The following CAPNS1 variants were observed in gnomAD, a reference collection of about 807,000 sequenced individuals.
The protein encoded by CAPNS1 is CANP small subunit.
In CAPNS1, 32 loss-of-function variants were observed where a neutral mutation model predicts 39.2. The ratio of observed to expected loss-of-function variants is 0.82; its 90% CI spans 0.62 to 1.10. The LOEUF (loss-of-function observed/expected upper bound fraction) is 1.10. CAPNS1 is among the 50% of genes least tolerant of loss of function. CAPNS1 has a pLI of 0.00. For missense variants in CAPNS1, 353 were observed against 373.1 expected, an observed-to-expected ratio of 0.95 and a Z score of 0.44; for synonymous variants, 153 against 136.2, an observed-to-expected ratio of 1.12 and a Z score of -0.86.
chr19:36,143,149 G>A lies in CAPNS1; in HGVS notation c.456+21G>A, dbSNP rs1284149872. On this transcript the variant is annotated intron_variant, in intron 6 of 10. Coordinates refer to ENST00000246533, the MANE Select transcript of CAPNS1 (RefSeq NM_001749.4). ...TGGATGTATCCTTGGGGGCAGTGTG[G>A]GAGAGGCCCTGGGTGGACAGAGAGT... 5 of 1,611,256 alleles carry A rather than the reference G, an allele frequency of 3.1e-6. No individual in the cohort carries two copies. In the South Asian group the frequency reaches 4.4e-5, roughly 14 times the overall value.
rs752226310 is a variant in CAPNS1 at position 36,149,646 on chromosome 19, C to G, written c.780+10C>G. On this transcript the variant is annotated intron_variant, in intron 10 of 10. Transcript: ENST00000246533. Reference sequence around the variant, plus strand: ...GGTGAACATCCAGGAGGTAAGGACCCCCATATTGGGGTATGGGTGCCTGGG... The same window carrying G: ...GGTGAACATCCAGGAGGTAAGGACCGCCATATTGGGGTATGGGTGCCTGGG... The G allele has an allele frequency of 6.3e-7, 1 of 1,579,384 alleles. No homozygotes were observed. Among genetic ancestry groups the G allele is most frequent in the East Asian group, 2.4e-5 (1 of 41,542 alleles).
rs1293247586 is a variant in CAPNS1, at chr19:36,143,145, T to C, written c.456+17T>C. 6.2e-7 allele frequency: 1 copy of C among 1,612,220 alleles called. No homozygotes were observed. Among genetic ancestry groups the C allele is most frequent in the Non-Finnish European group, 8.5e-7 (1 of 1,178,672 alleles). On this transcript the variant is annotated intron_variant, in intron 6 of 10. Transcript: ENST00000246533. ...GTGATGGATGTATCCTTGGGGGCAG[T>C]GTGGGAGAGGCCCTGGGTGGACAGA...
chr19:36,142,448 A>G (rs1974410412), intron 3 of CAPNS1, 115 bp downstream of exon 3: 3 of 694,352 alleles, frequency 4.3e-6, no homozygotes, highest in Non-Finnish European at 7.6e-6. Context: ...TTCCTCTGCC[A>G]GTTCCTCCCA....
chr19:36,143,020 A>C (rs1269309529), intron 5 of CAPNS1, 44 bp from the exon 6 acceptor site: 1 of 1,611,186 alleles, frequency 6.2e-7, no homozygotes, highest in South Asian at 1.1e-5. Flanking sequence ...GGGGTCAGAG[A>C]GGATTTGACC....
At position 36,141,134 on chromosome 19, in the gene CAPNS1, C is replaced by T. The variant is rs764833172; in HGVS notation, c.123C>T (p.Gly41=). 4 of 1,375,516 alleles carry T rather than the reference C, an allele frequency of 2.9e-6. No homozygotes were observed. Among genetic ancestry groups the T allele is most frequent in the Non-Finnish European group, 3.7e-6 (4 of 1,067,116 alleles). The allele number at this position is 1,375,516 out of a possible 1,614,324, so 85.2% of individuals were successfully genotyped here. The change falls in exon 2 of 11, where the codon GGC becomes GGT. Residue 41 remains glycine (G), a synonymous_variant. Coordinates refer to ENST00000246533, the MANE Select transcript of CAPNS1 (RefSeq NM_001749.4). ...GLISGAGGGG[G]GGGGGGGGGG... ...TCAGCGGGGCCGGGGGCGGCGGCGG[C>T]GGCGGCGGCGGCGGCGGCGGTGGTG...
intron 9 of CAPNS1, chr19:36,148,408 T>C (rs1233164417): frequency 6.6e-6 from 1 of 150,466 alleles, no homozygotes; most frequent in African/African-American, 2.5e-5. Context: ...TCTCAGTTGC[T>C]CGGGAGGCTG....
chr19:36,144,731 A>G (rs1237016865), intron 6 of CAPNS1, among the ~76,000 whole-genome samples: 1 of 152,122 alleles, frequency 6.6e-6, no homozygotes, highest in Non-Finnish European at 1.5e-5. Context: ...CATAATATAC[A>G]TGTCATGTAA....
intron 9 of CAPNS1, among the ~76,000 whole-genome samples, chr19:36,147,296 C>T (rs1974602349): frequency 6.6e-6 from 1 of 152,200 alleles, no homozygotes; most frequent in Non-Finnish European, 1.5e-5. Flanking sequence ...AGAATTTGAA[C>T]TTGGATCTAT....
chr19:36,141,026 C>G lies in CAPNS1; in HGVS notation c.15C>G (p.Asn5Lys). ...GAGTCGCAGCCATGTTCCTGGTTAA[C>G]TCGTTCTTGAAGGGCGGCGGCGGCG... MFLV[N>K]SFLKGGGGGG... Residue 5 changes from asparagine to lysine, a missense_variant, in exon 2 of 11, where the codon AAC (asparagine) becomes AAG (lysine). Coordinates refer to ENST00000246533, the MANE Select transcript of CAPNS1 (RefSeq NM_001749.4). The G allele has an allele frequency of 6.3e-7, 1 of 1,584,922 alleles. No individual in the cohort carries two copies. The highest frequency in any genetic ancestry group is 8.6e-7 in the Non-Finnish European group (1 of 1,166,068).
chr19:36,141,034 T>G lies in CAPNS1; in HGVS notation c.23T>G (p.Leu8Trp). Reference sequence around the variant, plus strand: ...GCCATGTTCCTGGTTAACTCGTTCTTGAAGGGCGGCGGCGGCGGCGGCGGG... The same window carrying G: ...GCCATGTTCCTGGTTAACTCGTTCTGGAAGGGCGGCGGCGGCGGCGGCGGG... MFLVNSF[L>W]KGGGGGGGGG... Residue 8 changes from leucine to tryptophan, a missense_variant, in exon 2 of 11, where the codon TTG becomes TGG. By Grantham distance (61) the Leu-to-Trp change is moderately conservative (BLOSUM62 -2). Coordinates refer to ENST00000246533, the MANE Select transcript of CAPNS1 (RefSeq NM_001749.4). 1 of 1,578,096 alleles carries G rather than the reference T, an allele frequency of 6.3e-7. No individual in the cohort carries two copies. The highest frequency in any genetic ancestry group is 1.1e-5 in the South Asian group (1 of 88,852).
rs916707549 is a variant in CAPNS1, at chr19:36,150,105, C to T, written c.*266C>T. On this transcript the variant is annotated 3_prime_UTR_variant, in exon 11 of 11. Coordinates refer to ENST00000246533, the MANE Select transcript of CAPNS1 (RefSeq NM_001749.4). Reference sequence around the variant, plus strand: ...CCACCAGGCCCTGCACACACCCACTCCGTAACCTCTCCCCTGTACCTGTGC... The same window carrying T: ...CCACCAGGCCCTGCACACACCCACTTCGTAACCTCTCCCCTGTACCTGTGC... The T allele has an allele frequency of 1.3e-5, 5 of 375,808 alleles. No homozygotes were observed. The highest frequency in any genetic ancestry group is 2.4e-5 in the Non-Finnish European group (5 of 211,714). 23.3% of individuals were successfully genotyped at this position (375,808 alleles called of 1,614,324 possible).
chr19:36,142,206 C>A, intron 2 of CAPNS1, 94 bp from the exon 3 acceptor site: 1 of 811,526 alleles, frequency 1.2e-6, no homozygotes, highest in Non-Finnish European at 2.2e-6. Flanking sequence ...AAGATAACGG[C>A]TGGGGTCTGG....
At chr19:36,143,591 G>A (rs1405591455) in intron 6 of CAPNS1, among the ~76,000 whole-genome samples, 28 of 151,934 alleles carry the variant, frequency 1.8e-4, no homozygotes, top group Non-Finnish European at 7.4e-5. Flanking sequence ...GCCAGGCACG[G>A]TGGCTCACAC....
intron 9 of CAPNS1, among the ~76,000 whole-genome samples, chr19:36,148,577 G>C (rs986255008): frequency 2.0e-5 from 3 of 149,794 alleles, no homozygotes; most frequent in African/African-American, 7.4e-5. Flanking sequence ...TTGGGAGGCC[G>C]AGGTGGGCGG....
rs565520929 is a variant in CAPNS1 at position 36,143,909 on chromosome 19, C to T, written c.456+781C>T. Among the ~76,000 whole-genome samples, 212 of 149,260 alleles carry T rather than the reference C, an allele frequency of 1.4e-3. 2 individuals are homozygous for T. The highest frequency in any genetic ancestry group is 2.1e-3 in the Non-Finnish European group (143 of 67,470). On this transcript the variant is annotated intron_variant, in intron 6 of 10. Coordinates refer to ENST00000246533, the MANE Select transcript of CAPNS1 (RefSeq NM_001749.4). ...AATAAAAATAGGCCGGGCGCCGTGG[C>T]TCACGCCTGTAATCCCAGCACTTTG...
rs755390519 is a variant in CAPNS1 at position 36,146,330 on chromosome 19, T to G, written c.721+18T>G. 6.5e-7 allele frequency: 1 copy of G among 1,530,554 alleles called. No homozygotes were observed. The highest frequency in any genetic ancestry group is 9.1e-7 in the Non-Finnish European group (1 of 1,104,172). 94.8% of individuals were successfully genotyped at this position (1,530,554 alleles called of 1,614,324 possible). On this transcript the variant is annotated intron_variant, in intron 9 of 10. Transcript: ENST00000246533. ...CATGTTCCGTGAGTGACAACCCAGCTGTCTTCCTGGGTGGGGATTCCTATG... is the reference window on the plus strand; with the variant it reads ...CATGTTCCGTGAGTGACAACCCAGCGGTCTTCCTGGGTGGGGATTCCTATG...
intron 1 of CAPNS1, 22 bp downstream of exon 1, chr19:36,140,179 C>T (rs147924320): frequency 6.6e-6 from 1 of 152,352 alleles, no homozygotes; most frequent in Non-Finnish European, 1.5e-5. Context: ...GCCCGTACCC[C>T]CTCCGCACCC....
rs202205437 is a variant in CAPNS1, at chr19:36,146,164, C to G, written c.605-32C>G. 3.2e-6 allele frequency: 5 copies of G among 1,580,986 alleles called. No homozygotes were observed. The South Asian group carries it at 4.4e-5, about 14-fold the overall frequency. On this transcript the variant is annotated intron_variant, in intron 8 of 10. Transcript: ENST00000246533. The stretch of plus-strand genomic sequence containing the variant: ...CATGGGAGTGGGTTGGGCCATGTGG[C>G]CCCCGCACCTGAAGGACTACATCCA...
intron 9 of CAPNS1, chr19:36,148,092 A>G (rs1974637876): frequency 6.6e-6 from 1 of 151,964 alleles, no homozygotes; most frequent in Admixed American, 6.6e-5. Flanking sequence ...AAAAAAAAAA[A>G]GAAAAAAAGA....
Sources: allele counts gnomAD v4.1 joint callset (sites outside exome capture counted in the v4.1 genomes callset), GRCh38; gene constraint gnomAD v4.1.1; transcripts MANE v1.5; gene names NCBI Gene and HGNC (gene_info 2026-07-23, HGNC 2026-07-21).